The following B3GALT1 variants were observed in gnomAD, a reference collection of about 807,000 sequenced individuals.
B3GALT1 encodes beta-1,3-galactosyltransferase 1.
A neutral mutation model predicts 23.2 loss-of-function variants in B3GALT1; 10 were observed. That is an observed-to-expected ratio of 0.43 (90% CI 0.27 to 0.73). The LOEUF (loss-of-function observed/expected upper bound fraction) is 0.73. B3GALT1 is among the 30% of genes least tolerant of loss of function. The pLI, the probability that B3GALT1 is intolerant of heterozygous loss-of-function variation, is 0.21. For synonymous variants in B3GALT1, 156 were observed against 141.5 expected (o/e 1.10, Z -0.73); for missense variants, 299 against 405.4 (o/e 0.74, Z 2.25).
chr2:167,600,742 T>A (rs1478102881), intron 2 of B3GALT1, among the ~76,000 whole-genome samples: 1 of 152,234 alleles, frequency 6.6e-6, no homozygotes, highest in Non-Finnish European at 1.5e-5. Context: ...GCTGAAAACA[T>A]GGCTGAATAA....
chr2:167,823,581 T>C (rs1357834976), intron 4 of B3GALT1, among the ~76,000 whole-genome samples: 1 of 152,238 alleles, frequency 6.6e-6, no homozygotes, highest in Non-Finnish European at 1.5e-5. Flanking sequence ...CCAGTTTTCA[T>C]GTTAAAATAT....
At chr2:167,854,649 A>G (rs192215942) in intron 4 of B3GALT1, among the ~76,000 whole-genome samples, 89 of 152,302 alleles carry the variant, frequency 5.8e-4, no homozygotes, top group African/African-American at 2.1e-3. Context: ...TGATGGGTGG[A>G]AACTAGGTCA....
chr2:167,372,333 C>A (rs1697699197), intron 1 of B3GALT1, among the ~76,000 whole-genome samples: 1 of 151,946 alleles, frequency 6.6e-6, no homozygotes, highest in Non-Finnish European at 1.5e-5. Context: ...TGTCAGAAAA[C>A]TGAAAATGGA....
chr2:167,578,012 AT>A (rs929195189), intron 2 of B3GALT1, among the ~76,000 whole-genome samples: 4 of 151,730 alleles, frequency 2.6e-5, no homozygotes, highest in African/African-American at 9.7e-5. Context: ...GCAATCAAAA[AT>A]TTTTTTTACC....
At chr2:167,480,793 AT>A (rs1417768169) in intron 1 of B3GALT1, among the ~76,000 whole-genome samples, 2 of 152,126 alleles carry the variant, frequency 1.3e-5, no homozygotes, top group Admixed American at 6.5e-5. Context: ...GAGTGACTAA[AT>A]ATTTTGGGAA....
intron 4 of B3GALT1, among the ~76,000 whole-genome samples, chr2:167,824,327 G>A (rs1211119243): frequency 6.6e-6 from 1 of 152,184 alleles, no homozygotes; most frequent in East Asian, 1.9e-4. Context: ...TAGCTGGAGT[G>A]TAAAGAAAGA....
chr2:167,769,170 G>C (rs988202845), intron 3 of B3GALT1, among the ~76,000 whole-genome samples: 1 of 152,086 alleles, frequency 6.6e-6, no homozygotes, highest in African/African-American at 2.4e-5. Flanking sequence ...TGGGGTACTG[G>C]GCCAGCCTCA....
chr2:167,865,843 G>A (rs1690205293), intron 4 of B3GALT1, among the ~76,000 whole-genome samples: 1 of 152,088 alleles, frequency 6.6e-6, no homozygotes, highest in Admixed American at 6.6e-5. Context: ...AAATGGAACA[G>A]GATTTGGGGA....
At chr2:167,633,147 G>A (rs879285114) in intron 2 of B3GALT1, among the ~76,000 whole-genome samples, 5 of 151,846 alleles carry the variant, frequency 3.3e-5, no homozygotes, top group Admixed American at 3.3e-4. Context: ...CCCCAATCTA[G>A]CAAGACTGGC....
intron 2 of B3GALT1, among the ~76,000 whole-genome samples, chr2:167,507,558 A>G (rs1699939692): frequency 2.0e-5 from 3 of 151,668 alleles, no homozygotes; most frequent in South Asian, 4.2e-4. Flanking sequence ...TGGTATTAAG[A>G]AAAGAATAGT....
intron 1 of B3GALT1, among the ~76,000 whole-genome samples, chr2:167,361,212 GTTTTT>G (rs66780629): frequency 4.8e-5 from 5 of 104,158 alleles, no homozygotes; most frequent in Admixed American, 1.0e-4. Context: ...TCCCCCACTA[GTTTTT>G]TTTTTTTTTT....
chr2:167,832,219 C>T (rs2105380844), intron 4 of B3GALT1, among the ~76,000 whole-genome samples: 1 of 152,276 alleles, frequency 6.6e-6, no homozygotes, highest in Admixed American at 6.5e-5. Flanking sequence ...GTGCTTCCAC[C>T]AAATGGAATT....
chr2:167,812,473 C>T (rs1281932768), intron 3 of B3GALT1, among the ~76,000 whole-genome samples: 2 of 152,138 alleles, frequency 1.3e-5, no homozygotes, highest in African/African-American at 2.4e-5. Context: ...TACCAAAATT[C>T]TTTGTGAAAC....
chr2:167,625,732 T>C (rs1456653424), intron 2 of B3GALT1, among the ~76,000 whole-genome samples: 1 of 151,610 alleles, frequency 6.6e-6, no homozygotes, highest in Non-Finnish European at 1.5e-5. Context: ...TTTCTTCTTT[T>C]TAATCTTTGG....
chr2:167,335,706 T>C (rs559926252), intron 1 of B3GALT1, among the ~76,000 whole-genome samples: 12 of 152,318 alleles, frequency 7.9e-5, no homozygotes, highest in Admixed American at 2.6e-4. Context: ...TAGTGTATAA[T>C]GAGCAGTGAG....
intron 1 of B3GALT1, among the ~76,000 whole-genome samples, chr2:167,350,677 G>A (rs1392704594): frequency 6.6e-6 from 1 of 152,164 alleles, no homozygotes; most frequent in African/African-American, 2.4e-5. Context: ...TTCAGTCCCC[G>A]TGGGGCAAGG....
At chr2:167,740,365 T>C (rs1427509274) in intron 3 of B3GALT1, among the ~76,000 whole-genome samples, 1 of 152,184 alleles carries the variant, frequency 6.6e-6, no homozygotes, top group African/African-American at 2.4e-5. Context: ...TCTCCAGGAA[T>C]GTTGGTACAT....
intron 3 of B3GALT1, among the ~76,000 whole-genome samples, chr2:167,721,066 C>A (rs560844186): frequency 3.3e-5 from 5 of 152,264 alleles, no homozygotes; most frequent in African/African-American, 1.2e-4. Context: ...ATATCTCCAT[C>A]TTTCTCTCTC....
At chr2:167,340,354 AACAAGGGTTGGTGTG>A (rs1697129155) in intron 1 of B3GALT1, among the ~76,000 whole-genome samples, 1 of 151,708 alleles carries the variant, frequency 6.6e-6, no homozygotes. Context: ...TTGGCAATGG[AACAAGGGTTGGTGTG>A]ACAAAATCTG....
Sources: allele counts gnomAD v4.1 joint callset (sites outside exome capture counted in the v4.1 genomes callset), GRCh38; gene constraint gnomAD v4.1.1; transcripts MANE v1.5; gene names NCBI Gene and HGNC (gene_info 2026-07-23, HGNC 2026-07-21).